The following NRG1 variants were observed in gnomAD, a reference collection of about 807,000 sequenced individuals.
NRG1 encodes the protein pro-neuregulin-1, membrane-bound isoform.
A neutral mutation model predicts 63.8 loss-of-function variants in NRG1; 18 were observed. The ratio of observed to expected loss-of-function variants is 0.28; its 90% CI spans 0.19 to 0.42. The LOEUF is 0.42. Ranked by LOEUF, NRG1 falls within the 10% of genes least tolerant of loss-of-function variation. The pLI is 1.00. For synonymous variants in NRG1, 302 were observed against 301.3 expected (o/e 1.00, Z -0.02); for missense variants, 762 against 814.7 (o/e 0.94, Z 0.79).
chr8:32,250,595 C>T (rs182687731), intron 1 of NRG1, among the ~76,000 whole-genome samples: 6 of 152,186 alleles, frequency 3.9e-5, no homozygotes, highest in East Asian at 3.9e-4. Context: ...TGGATTTCCA[C>T]GAATGCAATG....
intron 1 of NRG1, among the ~76,000 whole-genome samples, chr8:32,258,768 C>CATGGGGATT (rs1248739765): frequency 1.3e-5 from 2 of 152,166 alleles, no homozygotes; most frequent in African/African-American, 2.4e-5. Flanking sequence ...TCTCTCCACA[C>CATGGGGATT]ATGGGGATTA....
intron 1 of NRG1, among the ~76,000 whole-genome samples, chr8:31,766,000 AT>A (rs1287226947): frequency 6.6e-6 from 1 of 152,160 alleles, no homozygotes; most frequent in Non-Finnish European, 1.5e-5. Flanking sequence ...TTCCTTTATC[AT>A]TTATTGCTTT....
chr8:31,697,890 T>C (rs1259915581), intron 1 of NRG1, among the ~76,000 whole-genome samples: 2 of 140,204 alleles, frequency 1.4e-5, no homozygotes, highest in East Asian at 2.0e-4. Flanking sequence ...CTTTCTCTCT[T>C]TCTTTCTTTT....
rs151224491 is a variant in NRG1, at chr8:32,520,411, G to A, written c.38-75417G>A. ...TGGGCTCAAGGGATCCACCCGCCTC[G>A]GCTTCTCAAAGAGCTGGGATTACAG... is the stretch of plus-strand genomic sequence containing the variant. On this transcript the variant is annotated intron_variant, in intron 1 of 10. Coordinates refer to the NRG1 transcript ENST00000519301. 3.1e-3 allele frequency among the ~76,000 whole-genome samples: 467 copies of A among 151,670 alleles called. 21 individuals carry two copies. The East Asian group carries it at 0.076, about 25-fold the overall frequency.
At chr8:32,070,693 C>A (rs1479569343) in intron 1 of NRG1, among the ~76,000 whole-genome samples, 2 of 152,238 alleles carry the variant, frequency 1.3e-5, no homozygotes, top group Admixed American at 6.5e-5. Flanking sequence ...AGCTCTCTTA[C>A]TCCCTAGAGC....
rs1554501322 is a variant in NRG1 at position 32,299,045 on chromosome 8, A to AAG, written c.38-296782_38-296781insGA. ...TATCTCAAAAAAAAAAAAAAAAAAA[A>AAG]AAAGAAAGAAATAAAAAGCAAATAC... On this transcript the variant is annotated intron_variant, in intron 1 of 10. Transcript: ENST00000519301. Among the ~76,000 whole-genome samples, 602 of 145,054 alleles carry AAG rather than the reference A, an allele frequency of 4.2e-3. 4 individuals carry two copies. Among genetic ancestry groups the AAG allele is most frequent in the African/African-American group, 0.015 (561 of 36,848 alleles).
intron 1 of NRG1, among the ~76,000 whole-genome samples, chr8:31,998,071 G>T (rs1228095012): frequency 6.6e-6 from 1 of 151,928 alleles, no homozygotes; most frequent in Non-Finnish European, 1.5e-5. Context: ...GGCCTGGGGT[G>T]AGTTTCTCAA....
intron 1 of NRG1, among the ~76,000 whole-genome samples, chr8:32,295,419 A>ACAATAATCTCTACTACTTGCTTTT (rs1854723460): frequency 2.6e-5 from 4 of 152,152 alleles, no homozygotes; most frequent in South Asian, 2.1e-4. Flanking sequence ...AAATTGCTTT[A>ACAATAATCTCTACTACTTGCTTTT]CAATAATCTC....
intron 1 of NRG1, among the ~76,000 whole-genome samples, chr8:32,133,775 G>C (rs1355545353): frequency 1.3e-5 from 2 of 152,078 alleles, no homozygotes; most frequent in Non-Finnish European, 2.9e-5. Context: ...GAGGCAGCAG[G>C]CTATTAAAAG....
intron 1 of NRG1, among the ~76,000 whole-genome samples, chr8:31,877,674 C>T (rs538245759): frequency 1.3e-5 from 2 of 152,210 alleles, no homozygotes; most frequent in South Asian, 4.1e-4. Flanking sequence ...AATCTTTGAT[C>T]AGGAGCATAA....
intron 7 of NRG1, among the ~76,000 whole-genome samples, chr8:32,753,144 C>G (rs1829044631): frequency 6.6e-6 from 1 of 152,174 alleles, no homozygotes; most frequent in East Asian, 1.9e-4. Flanking sequence ...TTCCCCAGTT[C>G]TTGACCAATT....
At chr8:32,568,538 A>G (rs1272680176) in intron 1 of NRG1, among the ~76,000 whole-genome samples, 1 of 152,174 alleles carries the variant, frequency 6.6e-6, no homozygotes, top group Admixed American at 6.5e-5. Flanking sequence ...TTAGTAAGAG[A>G]TTCTTCTGCT....
At chr8:32,517,371 A>G (rs1485929723) in intron 1 of NRG1, among the ~76,000 whole-genome samples, 3 of 152,086 alleles carry the variant, frequency 2.0e-5, no homozygotes, top group African/African-American at 7.2e-5. Flanking sequence ...TCTCCTGTTA[A>G]ACACTCTTAT....
At chr8:32,526,347 G>C (rs1263524927) in intron 1 of NRG1, among the ~76,000 whole-genome samples, 1 of 152,202 alleles carries the variant, frequency 6.6e-6, no homozygotes, top group African/African-American at 2.4e-5. Flanking sequence ...CTCTATAGCA[G>C]TTTGTTTAAT....
intron 1 of NRG1, among the ~76,000 whole-genome samples, chr8:31,880,912 AGTATAT>A (rs1830300365): frequency 6.6e-6 from 1 of 152,188 alleles, no homozygotes; most frequent in Non-Finnish European, 1.5e-5. Flanking sequence ...AATGGACTGG[AGTATAT>A]GCATTTGTCT....
At chr8:31,661,592 A>G (rs984037165) in intron 1 of NRG1, among the ~76,000 whole-genome samples, 3 of 152,236 alleles carry the variant, frequency 2.0e-5, no homozygotes, top group Non-Finnish European at 2.9e-5. Flanking sequence ...GTACATAGGA[A>G]TGAAGCAAAT....
chr8:32,503,760 A>C (rs759097863), intron 1 of NRG1, among the ~76,000 whole-genome samples: 1 of 152,226 alleles, frequency 6.6e-6, no homozygotes, highest in African/African-American at 2.4e-5. Context: ...GCTGACGGAC[A>C]TACGCAGAGT....
intron 1 of NRG1, among the ~76,000 whole-genome samples, chr8:32,453,865 C>T (rs145852853): frequency 2.0e-5 from 3 of 152,318 alleles, no homozygotes; most frequent in Non-Finnish European, 4.4e-5. Context: ...CCCAGCCTTT[C>T]CATCCCTGCA....
At chr8:31,929,449 T>C (rs1365812511) in intron 1 of NRG1, among the ~76,000 whole-genome samples, 2 of 151,904 alleles carry the variant, frequency 1.3e-5, no homozygotes. Context: ...ATTTTATAGA[T>C]TATCTCTTGA....
Sources: allele counts gnomAD v4.1 joint callset (sites outside exome capture counted in the v4.1 genomes callset), GRCh38; gene constraint gnomAD v4.1.1; transcripts MANE v1.5; gene names NCBI Gene and HGNC (gene_info 2026-07-23, HGNC 2026-07-21).